Variants in TRIM37 observed in about 807,000 individuals in gnomAD.
The protein encoded by TRIM37 is tripartite motif containing 37.
TRIM37 carries 80 observed loss-of-function variants against 129.8 expected under a neutral mutation model. The ratio of observed to expected loss-of-function variants is 0.62; its 90% CI spans 0.51 to 0.74. The LOEUF (loss-of-function observed/expected upper bound fraction) is 0.74. TRIM37 is among the 30% of genes least tolerant of loss of function. The probability of loss-of-function intolerance (pLI) is 0.00; values close to 1 mark genes in which losing one functional copy is unlikely to be tolerated. For missense variants in TRIM37, 1,054 were observed against 1,176.5 expected, an observed-to-expected ratio of 0.90 and a Z score of 1.52; for synonymous variants, 389 against 387.1, an observed-to-expected ratio of 1.00 and a Z score of -0.06.
chr17:58,979,045 ATAAC>A (rs1245358781), downstream of TRIM37, among the ~76,000 whole-genome samples: 1 of 152,170 alleles, frequency 6.6e-6, no homozygotes, highest in African/African-American at 2.4e-5. Context: ...CTGCCTGGTG[ATAAC>A]TAACTTACCC....
intron 16 of TRIM37, 119 bp from the exon 17 acceptor site, chr17:59,042,017 A>G (rs1053027273): frequency 1.3e-5 from 9 of 717,694 alleles, no homozygotes; most frequent in Non-Finnish European, 1.7e-5. Flanking sequence ...TCTAAATACA[A>G]AAAGGAGAAA....
intron 13 of TRIM37, among the ~76,000 whole-genome samples, chr17:59,053,805 C>CA (rs1293491488): frequency 6.6e-6 from 1 of 152,072 alleles, no homozygotes; most frequent in Non-Finnish European, 1.5e-5. Context: ...TCCCTCCCCT[C>CA]AAAAAACATG....
downstream of TRIM37, chr17:58,982,267 T>C (rs2031401040): frequency 6.6e-6 from 1 of 152,426 alleles, no homozygotes; most frequent in South Asian, 2.1e-4. Context: ...ACTGTCTGCT[T>C]TTTGCTATTT....
intron 18 of TRIM37, among the ~76,000 whole-genome samples, chr17:59,031,305 A>G (rs2037816567): frequency 6.6e-6 from 1 of 152,258 alleles, no homozygotes; most frequent in African/African-American, 2.4e-5. Context: ...CATTCCAACA[A>G]AAATGGTTTT....
intron 20 of TRIM37, among the ~76,000 whole-genome samples, chr17:59,016,255 G>A (rs1472551628): frequency 2.0e-5 from 3 of 151,440 alleles, no homozygotes; most frequent in Admixed American, 6.6e-5. Context: ...TTAGCCAGGC[G>A]TGGTGGCGTG....
chr17:59,084,611 G>C (rs551585469), intron 4 of TRIM37, among the ~76,000 whole-genome samples: 5 of 152,242 alleles, frequency 3.3e-5, no homozygotes, highest in African/African-American at 1.2e-4. Context: ...AATAAAGTTA[G>C]ACTCTGTTAT....
At chr17:59,080,024 A>G in intron 6 of TRIM37, 147 bp from the exon 7 acceptor site, 2 of 875,230 alleles carry the variant, frequency 2.3e-6, no homozygotes, top group Non-Finnish European at 3.5e-6. Flanking sequence ...TTATATTTCA[A>G]AATGGCAGAC....
intron 2 of TRIM37, 84 bp from the exon 3 acceptor site, chr17:59,091,424 A>T: frequency 6.8e-6 from 2 of 293,284 alleles, no homozygotes; most frequent in Non-Finnish European, 1.2e-5. Flanking sequence ...TTTATATATA[A>T]TATATATAAT....
chr17:59,038,630 C>A (rs1331588030), intron 17 of TRIM37, among the ~76,000 whole-genome samples: 1 of 151,852 alleles, frequency 6.6e-6, no homozygotes, highest in Non-Finnish European at 1.5e-5. Context: ...TCTTCTTTAC[C>A]CTAAGTGTAT....
At chr17:59,081,954 AAAAAAAAAAAAAT>A (rs2043317133) in intron 5 of TRIM37, among the ~76,000 whole-genome samples, 3 of 60,934 alleles carry the variant, frequency 4.9e-5, no homozygotes, top group African/African-American at 2.5e-4. Flanking sequence ...AAAAAAAAAT[AAAAAAAAAAAAAT>A]AATAATAATA....
At chr17:59,056,708 T>C (rs1472886407) in intron 13 of TRIM37, among the ~76,000 whole-genome samples, 167 bp downstream of exon 13, 1 of 43,554 alleles carries the variant, frequency 2.3e-5, no homozygotes, top group Non-Finnish European at 4.7e-5. Flanking sequence ...AGAGCGAGAC[T>C]ATGTCTCCAA....
At chr17:59,106,379 C>A in intron 1 of TRIM37, 62 bp downstream of exon 1, 1 of 1,609,086 alleles carries the variant, frequency 6.2e-7, no homozygotes, top group East Asian at 2.2e-5. Context: ...CACGACTCCC[C>A]GAATAAAAAC....
At chr17:59,086,238 A>ATTT (rs370069781) in intron 4 of TRIM37, among the ~76,000 whole-genome samples, 2 of 142,310 alleles carry the variant, frequency 1.4e-5, no homozygotes, top group South Asian at 2.2e-4. Context: ...TACTCTTGCA[A>ATTT]TTTTTTTTTT....
rs758102546 is a variant in TRIM37, at chr17:59,106,476, G to T, written c.-15C>A. 2 of 1,613,644 alleles carry T rather than the reference G, an allele frequency of 1.2e-6. No homozygotes were observed. Among genetic ancestry groups the T allele is most frequent in the Admixed American group, 1.7e-5 (1 of 59,994 alleles). ...TGTTCATCCATTGCCTCCGGCTCTC[G>T]GCGGGGCCGCTGGCGACCCGCAGGC... On this transcript the variant is annotated 5_prime_UTR_variant, in exon 1 of 24. Coordinates refer to ENST00000262294, the MANE Select transcript of TRIM37 (RefSeq NM_015294.6).
Position 59,028,534 on chromosome 17 carries a change from AG to A in TRIM37, c.2137del (p.Leu713PhefsTer56). 1 of 1,614,232 alleles carries A rather than the reference AG, an allele frequency of 6.2e-7. No homozygotes were observed. Among genetic ancestry groups the A allele is most frequent in the Non-Finnish European group, 8.5e-7 (1 of 1,180,040 alleles). The stretch of plus-strand genomic sequence containing the variant: ...CAGAGCTGCCTGGTCAGCAGAAAAA[AG>A]GCTTGTCTGCATGTCTCCAGAAGCA... ...SAASGDMQTS[L>X]FSADQAALAA... On this transcript the variant is annotated frameshift_variant, in exon 19 of 24. Transcript: ENST00000262294. LOFTEE classifies it high-confidence loss of function.
chr17:59,028,756 A>C, intron 18 of TRIM37, 33 bp from the exon 19 acceptor site: 1 of 1,604,854 alleles, frequency 6.2e-7, no homozygotes, highest in South Asian at 1.1e-5. Context: ...TGTTAACATA[A>C]ACGTTAATAT....
Position 59,001,605 on chromosome 17 carries a change from C to CG in TRIM37, c.2804dup (p.Asp936GlyfsTer2), listed in dbSNP as rs2033779969. ...TGACATCATGTGCTGCACCTTCATC[C>CG]GGGGGCTGTGTCATGACCATGAAGG... is the stretch of plus-strand genomic sequence containing the variant. On this transcript the variant is annotated frameshift_variant, in exon 23 of 24. Coordinates refer to ENST00000262294, the MANE Select transcript of TRIM37 (RefSeq NM_015294.6). LOFTEE classifies it high-confidence loss of function. 2 of 1,613,852 alleles carry CG rather than the reference C, an allele frequency of 1.2e-6. No individual in the cohort carries two copies. The highest frequency in any genetic ancestry group is 3.3e-5 in the Admixed American group (2 of 59,950).
At chr17:59,047,592 CT>C in intron 16 of TRIM37, 90 bp downstream of exon 16, 2 of 1,300,502 alleles carry the variant, frequency 1.5e-6, no homozygotes, top group Non-Finnish European at 2.2e-6. Context: ...CAAAAAAGTG[CT>C]GAATATCCCT....
chr17:59,031,431 T>G (rs2037831502), intron 18 of TRIM37, among the ~76,000 whole-genome samples: 2 of 152,248 alleles, frequency 1.3e-5, no homozygotes, highest in African/African-American at 4.8e-5. Context: ...GTAACACAAA[T>G]GTAATTTCTA....
Sources: allele counts gnomAD v4.1 joint callset (sites outside exome capture counted in the v4.1 genomes callset), GRCh38; gene constraint gnomAD v4.1.1; transcripts MANE v1.5; gene names NCBI Gene and HGNC (gene_info 2026-07-23, HGNC 2026-07-21).